Variants in FPR2 observed in about 807,000 individuals in gnomAD.
The protein encoded by FPR2 is formyl peptide receptor 2, also known as N-formyl peptide receptor 2.
In FPR2, 3 loss-of-function variants were observed where a neutral mutation model predicts 4.0. The observed-to-expected ratio is 0.74, with a 90% CI of 0.34 to 1.92. FPR2 has a LOEUF of 1.92. Among genes scored for constraint, FPR2 ranks in the 30% most tolerant of loss-of-function variants. FPR2 has a pLI of 0.07. For missense variants in FPR2, 372 were observed against 435.7 expected (o/e 0.85, Z 1.30); for synonymous variants, 179 against 171.5 (o/e 1.04, Z -0.34).
chr19:51,766,254 T>G (rs933356884), intron 1 of FPR2, among the ~76,000 whole-genome samples: 2 of 152,132 alleles, frequency 1.3e-5, no homozygotes, highest in Non-Finnish European at 2.9e-5. Context: ...TGACTCTCAA[T>G]TGGGGGTGAC....
Position 51,769,043 on chromosome 19 carries a change from C to A in FPR2, c.385C>A (p.His129Asn). 6.2e-7 allele frequency: 1 copy of A among 1,614,196 alleles called. No homozygotes were observed. The highest frequency in any genetic ancestry group is 8.5e-7 in the Non-Finnish European group (1 of 1,180,032). The change falls in exon 2 of 2, where the codon CAT becomes AAT. Residue 129 changes from histidine to asparagine, a missense_variant. Physicochemically the swap from His to Asn is moderately conservative, Grantham distance 68 (BLOSUM62 1). Transcript: ENST00000340023. This position sits in a 1 kb window ranked among gnomAD's most constrained non-coding sequence, Gnocchi z 4.4. ...IALDRCICVLHPVWAQNHRTV... is the reference protein window; with the variant it reads ...IALDRCICVLNPVWAQNHRTV... ...ACTGGACCGCTGCATTTGTGTCCTGCATCCAGTCTGGGCCCAGAACCACCG... is the reference window on the plus strand; with the variant it reads ...ACTGGACCGCTGCATTTGTGTCCTGAATCCAGTCTGGGCCCAGAACCACCG...
chr19:51,762,717 T>G (rs2083846044), intron 1 of FPR2: 1 of 152,172 alleles, frequency 6.6e-6, no homozygotes, highest in African/African-American at 2.4e-5. Flanking sequence ...AAAAGCTCAT[T>G]TGGTTTCCTT....
chr19:51,768,597 G>C lies in FPR2; in HGVS notation c.-14-48G>C. The C allele has an allele frequency of 2.1e-6, 3 of 1,438,320 alleles. No homozygotes were observed. In the South Asian group the frequency reaches 4.0e-5, roughly 19 times the overall value. 89.1% of individuals were successfully genotyped at this position (1,438,320 alleles called of 1,614,324 possible). ...GATGTGAGCTATAAATACAGATGCT[G>C]TAAGATGGTTCCACAGCTGAGAAAT... is the stretch of plus-strand genomic sequence containing the variant. On this transcript the variant is annotated intron_variant, in intron 1 of 1. Transcript: ENST00000340023.
At chr19:51,767,392 A>G (rs1345333331) in intron 1 of FPR2, among the ~76,000 whole-genome samples, 1 of 152,034 alleles carries the variant, frequency 6.6e-6, no homozygotes, top group African/African-American at 2.4e-5. Context: ...AAAGAAAAAA[A>G]CAAAAACAAA....
chr19:51,766,168 C>G (rs916870218), intron 1 of FPR2, among the ~76,000 whole-genome samples: 38 of 152,268 alleles, frequency 2.5e-4, no homozygotes, highest in African/African-American at 9.1e-4. Context: ...CAATCCACCC[C>G]CCTTGGCCTC....
intron 1 of FPR2, 31 bp downstream of exon 1, chr19:51,761,261 T>C (rs922943753): frequency 6.6e-6 from 1 of 152,206 alleles, no homozygotes; most frequent in Non-Finnish European, 1.5e-5. Context: ...TTAAAATTTA[T>C]CAATGGAACT....
chr19:51,769,296 C>A lies in FPR2; in HGVS notation c.638C>A (p.Pro213Gln). 2 of 1,614,168 alleles carry A rather than the reference C, an allele frequency of 1.2e-6. No homozygotes were observed. The highest frequency in any genetic ancestry group is 8.5e-7 in the Non-Finnish European group (1 of 1,180,030). Residue 213 changes from proline (P) to glutamine (Q), a missense_variant, in exon 2 of 2, where the codon CCG (proline) becomes CAG (glutamine). Physicochemically the swap from Pro to Gln is moderately conservative, Grantham distance 76. Coordinates refer to ENST00000340023, the MANE Select transcript of FPR2 (RefSeq NM_001005738.2). This position sits in a 1 kb window ranked among gnomAD's most constrained non-coding sequence, Gnocchi z 4.4. ...IIRFVIGFSL[P>Q]MSIVAICYGL... Reference sequence around the variant, plus strand: ...CGGTTTGTCATTGGCTTTAGCTTGCCGATGTCCATTGTTGCCATCTGCTAT... The same window carrying A: ...CGGTTTGTCATTGGCTTTAGCTTGCAGATGTCCATTGTTGCCATCTGCTAT...
At chr19:51,768,591 G>A (rs1285690616) in intron 1 of FPR2, 54 bp from the exon 2 acceptor site, 3 of 1,371,108 alleles carry the variant, frequency 2.2e-6, no homozygotes, top group Non-Finnish European at 1.0e-6. Context: ...TATAAATACA[G>A]ATGCTGTAAG....
chr19:51,768,552 T>G, intron 1 of FPR2, 93 bp from the exon 2 acceptor site: 2 of 982,768 alleles, frequency 2.0e-6, no homozygotes, highest in Non-Finnish European at 1.5e-6. Context: ...CTGGTAGGAG[T>G]GGGAGCTTTA....
intron 1 of FPR2, among the ~76,000 whole-genome samples, chr19:51,766,042 C>A (rs940685153): frequency 1.3e-5 from 2 of 152,210 alleles, no homozygotes; most frequent in African/African-American, 2.4e-5. Flanking sequence ...GCCTCAGCCT[C>A]CCGAGTAGCT....
chr19:51,768,293 C>T (rs1568645386), intron 1 of FPR2: 1 of 197,316 alleles, frequency 5.1e-6, no homozygotes, highest in African/African-American at 2.3e-5. Context: ...AGATGTGAGC[C>T]TTCTGATTCT....
rs755457458 is a variant in FPR2 at position 51,769,179 on chromosome 19, C to T, written c.521C>T (p.Thr174Ile). 8 of 1,614,076 alleles carry T rather than the reference C, an allele frequency of 5.0e-6. No homozygotes were observed. Among genetic ancestry groups the T allele is most frequent in the Admixed American group, 1.7e-5 (1 of 60,006 alleles). ...LTTVTIPNGD[T>I]YCTFNFASWG... ...ACAGTAACTATTCCAAATGGGGACA[C>T]ATACTGTACTTTCAACTTTGCATCC... The change falls in exon 2 of 2, where the codon ACA becomes ATA. Residue 174 changes from threonine (T) to isoleucine (I), a missense_variant. Coordinates refer to ENST00000340023, the MANE Select transcript of FPR2 (RefSeq NM_001005738.2). The surrounding 1 kb of genome is among the most constrained non-coding windows in gnomAD (Gnocchi z 4.4).
At chr19:51,768,179 G>A (rs978081847) in intron 1 of FPR2, among the ~76,000 whole-genome samples, 2 of 152,082 alleles carry the variant, frequency 1.3e-5, no homozygotes, top group Non-Finnish European at 2.9e-5. Context: ...ATAGGTCAAG[G>A]GTTCTCACAG....
intron 1 of FPR2, chr19:51,763,173 A>G (rs1487035814): frequency 6.6e-6 from 1 of 152,202 alleles, no homozygotes; most frequent in Non-Finnish European, 1.5e-5. Flanking sequence ...ACTGGATAAT[A>G]TCACCTATAG....
Position 51,769,262 on chromosome 19 carries a change from G to C in FPR2, c.604G>C (p.Gly202Arg). 6.2e-7 allele frequency: 1 copy of C among 1,614,204 alleles called. No individual in the cohort carries two copies. Among genetic ancestry groups the C allele is most frequent in the South Asian group, 1.1e-5 (1 of 91,090 alleles). The change falls in exon 2 of 2, where the codon GGG becomes CGG. Residue 202 changes from glycine to arginine, a missense_variant. Transcript: ENST00000340023. This position sits in a 1 kb window ranked among gnomAD's most constrained non-coding sequence, Gnocchi z 4.4. ...KVAITMLTAR[G>R]IIRFVIGFSL... ...GGCCATTACCATGCTGACAGCCAGA[G>C]GGATTATCCGGTTTGTCATTGGCTT...
At chr19:51,765,848 G>T (rs2083864989) in intron 1 of FPR2, among the ~76,000 whole-genome samples, 1 of 152,164 alleles carries the variant, frequency 6.6e-6, no homozygotes, top group African/African-American at 2.4e-5. Flanking sequence ...GGCTCAAAGA[G>T]ATATCACTGA....
At position 51,768,870 on chromosome 19, in the gene FPR2, A is replaced by T; in HGVS notation, c.212A>T (p.Asp71Val). ...TGTTACCTGAACCTGGCCCTGGCTG[A>T]CTTTTCTTTCACGGCCACATTACCA... is the stretch of plus-strand genomic sequence containing the variant. ...TICYLNLALADFSFTATLPFL... is the reference protein window; with the variant it reads ...TICYLNLALAVFSFTATLPFL... Residue 71 changes from aspartate to valine, a missense_variant, in exon 2 of 2, where the codon GAC becomes GTC. By Grantham distance (152) the Asp-to-Val change is radical (BLOSUM62 -3). Coordinates refer to ENST00000340023, the MANE Select transcript of FPR2 (RefSeq NM_001005738.2). 1 of 1,614,128 alleles carries T rather than the reference A, an allele frequency of 6.2e-7. No homozygotes were observed. The highest frequency in any genetic ancestry group is 1.3e-5 in the African/African-American group (1 of 75,026).
chr19:51,762,101 T>C (rs1025988668), intron 1 of FPR2, among the ~76,000 whole-genome samples: 7 of 151,618 alleles, frequency 4.6e-5, no homozygotes, highest in African/African-American at 1.5e-4. Context: ...TTTTTTTTTT[T>C]TTGAGACAGA....
chr19:51,769,238 G>C lies in FPR2; in HGVS notation c.580G>C (p.Ala194Pro). ...CACCCCTGAGGAGAGGCTGAAGGTG[G>C]CCATTACCATGCTGACAGCCAGAGG... is the stretch of plus-strand genomic sequence containing the variant. Reference protein sequence around the residue: ...GGTPEERLKVAITMLTARGII... With the variant: ...GGTPEERLKVPITMLTARGII... Residue 194 changes from alanine to proline, a missense_variant, in exon 2 of 2, where the codon GCC (alanine) becomes CCC (proline). Transcript: ENST00000340023. The surrounding 1 kb of genome is among the most constrained non-coding windows in gnomAD (Gnocchi z 4.4). 6.2e-7 allele frequency: 1 copy of C among 1,614,192 alleles called. No individual in the cohort carries two copies. The highest frequency in any genetic ancestry group is 8.5e-7 in the Non-Finnish European group (1 of 1,180,044).
Sources: gnomAD v4.1 joint callset for allele counts (sites outside exome capture counted in the v4.1 genomes callset) on GRCh38, gnomAD v4.1.1 for gene constraint, Gnocchi (gnomAD v3.1) non-coding constraint, MANE v1.5 for transcripts, NCBI Gene and HGNC (gene_info 2026-07-23, HGNC 2026-07-21) for gene names.